TOMM34: variants seen among roughly 807,000 people sequenced by gnomAD.
TOMM34 encodes mitochondrial import receptor subunit TOM34.
In TOMM34, 24 loss-of-function variants were observed where a neutral mutation model predicts 37.4. That is an observed-to-expected ratio of 0.64 (90% confidence interval 0.46 to 0.90). TOMM34 has a LOEUF of 0.90. TOMM34 is among the 40% of genes least tolerant of loss of function. The pLI is 0.00. For missense variants in TOMM34, 304 were observed against 375.6 expected (o/e 0.81, Z 1.58); for synonymous variants, 154 against 148.9 (o/e 1.03, Z -0.25).
chr20:44,955,196 G>A lies in TOMM34; in HGVS notation c.252C>T (p.Ser84=). 1 of 1,614,216 alleles carries A rather than the reference G, an allele frequency of 6.2e-7. No homozygotes were observed. Among genetic ancestry groups the A allele is most frequent in the Non-Finnish European group, 8.5e-7 (1 of 1,180,040 alleles). ...CTSALALVPF[S]IKPLLRRASA... ...ATGCTCGCCGCAGCAGGGGCTTAAT[G>A]CTGAAGGGAACCAAGGCCAGTGCTC... The change falls in exon 3 of 7, where the codon AGC becomes AGT. Residue 84 remains serine (S), a synonymous_variant. Transcript: ENST00000372813.
At chr20:44,955,000 A>G in intron 3 of TOMM34, 68 bp downstream of exon 3, 1 of 1,567,336 alleles carries the variant, frequency 6.4e-7, no homozygotes, top group Admixed American at 1.7e-5. Flanking sequence ...AGACAAGGCA[A>G]TGGCCCGCAG....
chr20:44,956,867 A>C lies in TOMM34; in HGVS notation c.128-382T>G, dbSNP rs532307013. 5.4e-4 allele frequency among the ~76,000 whole-genome samples: 81 copies of C among 149,568 alleles called. No homozygotes were observed. The South Asian group carries it at 0.011, about 20-fold the overall frequency. ...TTACAAAAAGCATTTAAATCCAAGA[A>C]AGAAAGAAAAAAAAAAAAAGAAAAG... On this transcript the variant is annotated intron_variant, in intron 1 of 6. Transcript: ENST00000372813.
chr20:44,955,401 G>T, intron 2 of TOMM34, 181 bp from the exon 3 acceptor site: 6 of 725,944 alleles, frequency 8.3e-6, no homozygotes, highest in Non-Finnish European at 1.4e-5. Context: ...CTGAAGTGAG[G>T]AGGAGAAAGA....
chr20:44,943,238 T>C, intron 6 of TOMM34, 25 bp from the exon 7 acceptor site: 1 of 1,613,178 alleles, frequency 6.2e-7, no homozygotes, highest in South Asian at 1.1e-5. Flanking sequence ...GACAGGAGTG[T>C]GGGGGAAGGT....
chr20:44,943,695 C>CT, intron 5 of TOMM34, 116 bp from the exon 6 acceptor site: 1 of 1,434,984 alleles, frequency 7.0e-7, no homozygotes, highest in Non-Finnish European at 9.5e-7. Context: ...GTGCTGGTTA[C>CT]TTTATGTCTT....
At chr20:44,947,538 A>C (rs2066991024) in intron 5 of TOMM34, among the ~76,000 whole-genome samples, 1 of 151,932 alleles carries the variant, frequency 6.6e-6, no homozygotes, top group Non-Finnish European at 1.5e-5. Context: ...TCGCTCTGTC[A>C]CCCAGGCTGG....
intron 1 of TOMM34, among the ~76,000 whole-genome samples, chr20:44,958,117 C>CATGTATATATGTAT (rs2067091031): frequency 2.0e-5 from 3 of 146,424 alleles, no homozygotes; most frequent in South Asian, 4.3e-4. Context: ...TATACATGTA[C>CATGTATATATGTAT]ATGTATATAT....
chr20:44,946,306 CTA>C (rs1247486392), intron 5 of TOMM34, among the ~76,000 whole-genome samples: 1 of 152,138 alleles, frequency 6.6e-6, no homozygotes, highest in Non-Finnish European at 1.5e-5. Flanking sequence ...CTTCTAAAGA[CTA>C]TATTTAAGAT....
chr20:44,942,933 T>C lies in TOMM34; in HGVS notation c.*176A>G, dbSNP rs2066947647. The C allele has an allele frequency of 3.2e-6, 2 of 626,904 alleles. No individual in the cohort carries two copies. Among genetic ancestry groups the C allele is most frequent in the African/African-American group, 1.8e-5 (1 of 54,140 alleles). The allele number at this position is 626,904 out of a possible 1,614,324, so 38.8% of individuals were successfully genotyped here. On this transcript the variant is annotated 3_prime_UTR_variant, in exon 7 of 7. Transcript: ENST00000372813. ...CAACCATGTCTGTGTTTGACTACAC[T>C]GAGTTTAATTTGAACAAGCAAAGCC...
intron 2 of TOMM34, chr20:44,955,603 GCTAA>G (rs1245603027): frequency 4.3e-6 from 2 of 460,510 alleles, no homozygotes; most frequent in Admixed American, 2.3e-5. Flanking sequence ...CACCTCTGCT[GCTAA>G]CTATGTGACC....
rs1049304647 is a variant in TOMM34, at chr20:44,942,355, C to A, written c.*754G>T. 1 of 152,214 alleles carries A rather than the reference C, an allele frequency of 6.6e-6. No individual in the cohort carries two copies. The highest frequency in any genetic ancestry group is 2.4e-5 in the African/African-American group (1 of 41,422). 9.4% of individuals were successfully genotyped at this position (152,214 alleles called of 1,614,324 possible). ...CACTGTTGGAACAAAAAACCAAGTC[C>A]CTGCCCAGAAAGCATGGACACTGAC... On this transcript the variant is annotated 3_prime_UTR_variant, in exon 7 of 7. Transcript: ENST00000372813.
chr20:44,959,546 A>T (rs2067107043), intron 1 of TOMM34, among the ~76,000 whole-genome samples: 1 of 152,054 alleles, frequency 6.6e-6, no homozygotes, highest in South Asian at 2.1e-4. Flanking sequence ...AACTGACCTC[A>T]TGTCTTCCTA....
Position 44,943,220 on chromosome 20 carries a change from GAAGAA to G in TOMM34, c.826-12_826-8del, listed in dbSNP as rs761939551. ...CAAAGCTGGATTTATAGTCCTAATA[GAAGAA>G]AAGACAGGAGTGTGGGGGAAGGTTC... is the stretch of plus-strand genomic sequence containing the variant. On this transcript the variant is annotated splice_polypyrimidine_tract_variant and splice_region_variant and intron_variant, in intron 6 of 6. Coordinates refer to ENST00000372813, the MANE Select transcript of TOMM34 (RefSeq NM_006809.5). 2 of 1,613,978 alleles carry G rather than the reference GAAGAA, an allele frequency of 1.2e-6. No individual in the cohort carries two copies. Among genetic ancestry groups the G allele is most frequent in the Admixed American group, 3.3e-5 (2 of 60,014 alleles).
At chr20:44,945,288 ATCT>A (rs1468809047) in intron 5 of TOMM34, among the ~76,000 whole-genome samples, 1 of 152,182 alleles carries the variant, frequency 6.6e-6, no homozygotes, top group Admixed American at 6.5e-5. Flanking sequence ...GGAGAGAAAA[ATCT>A]TCTTGTAACA....
At chr20:44,943,622 G>A (rs1420983758) in intron 5 of TOMM34, 43 bp from the exon 6 acceptor site, 2 of 1,611,918 alleles carry the variant, frequency 1.2e-6, no homozygotes, top group African/African-American at 2.7e-5. Context: ...CACGTCTTAT[G>A]GGCCACCCAC....
At chr20:44,943,678 C>G in intron 5 of TOMM34, 99 bp from the exon 6 acceptor site, 12 of 1,528,008 alleles carry the variant, frequency 7.9e-6, no homozygotes, top group Non-Finnish European at 1.1e-5. Context: ...TGCTGAACAC[C>G]TACTCTGTGC....
At chr20:44,955,303 T>A in intron 2 of TOMM34, 83 bp from the exon 3 acceptor site, 1 of 1,544,530 alleles carries the variant, frequency 6.5e-7, no homozygotes, top group Non-Finnish European at 8.8e-7. Context: ...CAGGGTTATC[T>A]GGAGCACTCA....
In TOMM34 at chr20:44,943,518, GGGC is replaced by G; in HGVS notation, c.757_759del (p.Ala253del). On this transcript the variant is annotated inframe_deletion, in exon 6 of 7. Coordinates refer to ENST00000372813, the MANE Select transcript of TOMM34 (RefSeq NM_006809.5). ...TTCACGTTCTTTCCATCCAGCTTGA[GGGC>G]TTCTGTGCAGTCCTTCACTGCTTCT... is the stretch of plus-strand genomic sequence containing the variant. The G allele has an allele frequency of 6.2e-7, 1 of 1,614,120 alleles. No individual in the cohort carries two copies.
At chr20:44,943,834 G>A (rs1161789256) in intron 5 of TOMM34, among the ~76,000 whole-genome samples, 3 of 152,130 alleles carry the variant, frequency 2.0e-5, no homozygotes, top group African/African-American at 7.2e-5. Context: ...GCGGGCGTTC[G>A]TTCATGGGAC....
Sources: gnomAD v4.1 joint callset for allele counts (sites outside exome capture counted in the v4.1 genomes callset) on GRCh38, gnomAD v4.1.1 for gene constraint, MANE v1.5 for transcripts, NCBI Gene and HGNC (gene_info 2026-07-23, HGNC 2026-07-21) for gene names.